The following NELL1 variants were observed in gnomAD, a reference collection of about 807,000 sequenced individuals.
NELL1 encodes the protein neural EGFL like 1.
Under a neutral mutation model 107.4 loss-of-function variants are expected in NELL1, and 76 were observed. That is an observed-to-expected ratio of 0.71 (90% confidence interval 0.59 to 0.86). The LOEUF (loss-of-function observed/expected upper bound fraction) is 0.86. Ranked by LOEUF, NELL1 falls within the 40% of genes least tolerant of loss-of-function variation. The probability of loss-of-function intolerance (pLI) is 0.00; values close to 1 mark genes in which losing one functional copy is unlikely to be tolerated. For missense variants in NELL1, 1,024 were observed against 1,005.5 expected, an observed-to-expected ratio of 1.02 and a Z score of -0.25; for synonymous variants, 353 against 341.2, an observed-to-expected ratio of 1.03 and a Z score of -0.38.
At chr11:21,206,467 G>T (rs1169034046) in intron 13 of NELL1, among the ~76,000 whole-genome samples, 2 of 152,066 alleles carry the variant, frequency 1.3e-5, no homozygotes, top group Non-Finnish European at 2.9e-5. Flanking sequence ...CAAATTTGGG[G>T]GTGGTACTGT....
At chr11:20,930,118 G>A (rs1046636564) in intron 9 of NELL1, among the ~76,000 whole-genome samples, 2 of 152,006 alleles carry the variant, frequency 1.3e-5, no homozygotes, top group African/African-American at 2.4e-5. Context: ...TGAGTCCTTC[G>A]GCAGGTTTGT....
At chr11:21,167,189 T>A (rs906057083) in intron 13 of NELL1, among the ~76,000 whole-genome samples, 6 of 151,876 alleles carry the variant, frequency 4.0e-5, no homozygotes, top group African/African-American at 9.7e-5. Context: ...CATTATATAG[T>A]GTTGCCCCAG....
intron 12 of NELL1, among the ~76,000 whole-genome samples, chr11:20,975,048 C>T (rs1851576387): frequency 6.6e-6 from 1 of 152,026 alleles, no homozygotes; most frequent in South Asian, 2.1e-4. Context: ...CTTGCTCTGT[C>T]ACTCATGCTG....
At chr11:20,763,790 C>A (rs1443504334) in intron 2 of NELL1, among the ~76,000 whole-genome samples, 1 of 152,144 alleles carries the variant, frequency 6.6e-6, no homozygotes, top group Non-Finnish European at 1.5e-5. Context: ...GGCTGGCGAG[C>A]CTAGAGGGGC....
At chr11:21,207,600 C>T (rs66957561) in intron 13 of NELL1, among the ~76,000 whole-genome samples, 9,692 of 152,210 alleles carry the variant, frequency 0.064, 318 homozygotes, top group East Asian at 0.14. Flanking sequence ...ACTAGATGCT[C>T]TACAAAGTTT....
At chr11:20,703,368 G>A (rs1280043407) in intron 2 of NELL1, among the ~76,000 whole-genome samples, 1 of 151,884 alleles carries the variant, frequency 6.6e-6, no homozygotes, top group Non-Finnish European at 1.5e-5. Context: ...ATTTTTTATT[G>A]CGTCTATTTG....
chr11:20,967,169 G>C (rs1851403092), intron 12 of NELL1, among the ~76,000 whole-genome samples: 1 of 151,954 alleles, frequency 6.6e-6, no homozygotes, highest in South Asian at 2.1e-4. Flanking sequence ...AGGTTTTCAG[G>C]CCAGTTCATA....
chr11:21,238,130 A>G (rs1858257744), intron 14 of NELL1, among the ~76,000 whole-genome samples: 1 of 152,028 alleles, frequency 6.6e-6, no homozygotes, highest in African/African-American at 2.4e-5. Context: ...CCCATCTTAA[A>G]CAATGGGATT....
rs569146414 is a variant in NELL1, at chr11:21,493,210, A to G, written c.1646-41164A>G. 2.3e-4 allele frequency among the ~76,000 whole-genome samples: 35 copies of G among 152,266 alleles called. No individual in the cohort carries two copies. In the South Asian group the frequency reaches 6.4e-3, roughly 28 times the overall value. On this transcript the variant is annotated intron_variant, in intron 15 of 19. Transcript: ENST00000357134. ...AAAAACCTAAAAGCAGAACCACCAT[A>G]TGATACAGCCAGCCCACTACGGGGT...
intron 13 of NELL1, among the ~76,000 whole-genome samples, chr11:21,193,891 A>G (rs1026221123): frequency 1.3e-5 from 2 of 151,866 alleles, no homozygotes; most frequent in African/African-American, 4.9e-5. Flanking sequence ...TACACTTGAA[A>G]TTCTTATCTT....
At chr11:21,328,399 C>T (rs555627778) in intron 14 of NELL1, among the ~76,000 whole-genome samples, 1 of 152,110 alleles carries the variant, frequency 6.6e-6, no homozygotes, top group Non-Finnish European at 1.5e-5. Context: ...TTGGGAACTT[C>T]CGCCTAGATT....
At chr11:21,573,472 T>A in intron 19 of NELL1, 63 bp downstream of exon 19, 1 of 1,392,218 alleles carries the variant, frequency 7.2e-7, no homozygotes, top group South Asian at 1.2e-5. Context: ...TTGCAGGAGG[T>A]CCACTCCTGA....
intron 3 of NELL1, among the ~76,000 whole-genome samples, chr11:20,793,065 A>G (rs959347491): frequency 7.2e-5 from 11 of 151,996 alleles, no homozygotes; most frequent in African/African-American, 2.4e-4. Flanking sequence ...ATAATTAGAA[A>G]AGGACAGAAA....
intron 16 of NELL1, among the ~76,000 whole-genome samples, chr11:21,553,987 C>T (rs567126706): frequency 1.4e-4 from 22 of 151,850 alleles, no homozygotes; most frequent in African/African-American, 4.8e-4. Flanking sequence ...TACAAACCAC[C>T]CTCCTACTCA....
chr11:20,874,467 T>C (rs903656855), intron 4 of NELL1, among the ~76,000 whole-genome samples: 1 of 152,218 alleles, frequency 6.6e-6, no homozygotes. Flanking sequence ...ATTTACTGAA[T>C]AGTATTTAGT....
chr11:21,254,757 G>A (rs1858726734), intron 14 of NELL1, among the ~76,000 whole-genome samples: 1 of 152,082 alleles, frequency 6.6e-6, no homozygotes, highest in Non-Finnish European at 1.5e-5. Context: ...TTGCTATTAA[G>A]TAGAGTTTTG....
chr11:20,939,675 A>T (rs565563634), intron 10 of NELL1, among the ~76,000 whole-genome samples: 7 of 152,164 alleles, frequency 4.6e-5, no homozygotes, highest in African/African-American at 7.2e-5. Flanking sequence ...TGGAGAAAAA[A>T]TTCCCCAAGA....
At chr11:21,500,364 C>T (rs1187196115) in intron 15 of NELL1, among the ~76,000 whole-genome samples, 1 of 151,946 alleles carries the variant, frequency 6.6e-6, no homozygotes, top group African/African-American at 2.4e-5. Flanking sequence ...TATAAATAAT[C>T]TTAGATTATT....
At chr11:21,458,139 A>C (rs1362565447) in intron 15 of NELL1, among the ~76,000 whole-genome samples, 1 of 152,170 alleles carries the variant, frequency 6.6e-6, no homozygotes, top group African/African-American at 2.4e-5. Flanking sequence ...TTAGTAGGTA[A>C]AACACTTAAA....
Sources: gnomAD v4.1 joint callset for allele counts (sites outside exome capture counted in the v4.1 genomes callset) on GRCh38, gnomAD v4.1.1 for gene constraint, MANE v1.5 for transcripts, NCBI Gene and HGNC (gene_info 2026-07-23, HGNC 2026-07-21) for gene names.